DPYD: variants seen among roughly 807,000 people sequenced by gnomAD.
DPYD encodes dihydropyrimidine dehydrogenase [NADP(+)].
DPYD carries 109 observed loss-of-function variants against 116.2 expected under a neutral mutation model. That is an observed-to-expected ratio of 0.94 (90% confidence interval 0.80 to 1.10). DPYD has a LOEUF of 1.10. DPYD is among the 50% of genes least tolerant of loss of function. The pLI, the probability that DPYD is intolerant of heterozygous loss-of-function variation, is 0.00. For synonymous variants in DPYD, 440 were observed against 432.0 expected, an observed-to-expected ratio of 1.02 and a Z score of -0.23; for missense variants, 1,302 against 1,254.5, an observed-to-expected ratio of 1.04 and a Z score of -0.57.
rs117117504 is a variant in DPYD, at chr1:97,329,643, C to G, written c.2059-23346G>C. The stretch of plus-strand genomic sequence containing the variant: ...TGGTGTGTGCCTTTAATTCTAGGCA[C>G]TCGGGAAGCTGATGCAAGAGAATCT... On this transcript the variant is annotated intron_variant, in intron 16 of 22. Coordinates refer to ENST00000370192, the MANE Select transcript of DPYD (RefSeq NM_000110.4). Among the ~76,000 whole-genome samples the G allele has an allele frequency of 4.1e-4, 61 of 150,166 alleles. No homozygotes were observed. The East Asian group carries it at 7.9e-3, about 19-fold the overall frequency.
At chr1:97,832,045 T>TTGTGTGTGTGTGTGTGTG (rs35795641) in intron 2 of DPYD, among the ~76,000 whole-genome samples, 40 of 134,010 alleles carry the variant, frequency 3.0e-4, no homozygotes, top group East Asian at 1.9e-3. Context: ...ATATAATGTA[T>TTGTGTGTGTGTGTGTGTG]TGTGTGTGTG....
At chr1:97,232,911 T>A (rs777660077) in intron 19 of DPYD, among the ~76,000 whole-genome samples, 2 of 152,200 alleles carry the variant, frequency 1.3e-5, no homozygotes, top group Non-Finnish European at 2.9e-5. Flanking sequence ...ATCTATCAAT[T>A]CTTTTTTATG....
At chr1:97,818,067 G>GT (rs1309465715) in intron 3 of DPYD, among the ~76,000 whole-genome samples, 3 of 151,986 alleles carry the variant, frequency 2.0e-5, no homozygotes, top group Non-Finnish European at 2.9e-5. Context: ...GGAAAATGCA[G>GT]TTTTTTCCTG....
intron 7 of DPYD, among the ~76,000 whole-genome samples, chr1:97,690,400 GAT>G (rs1660952719): frequency 6.6e-6 from 1 of 151,742 alleles, no homozygotes; most frequent in Admixed American, 6.6e-5. Flanking sequence ...TTTTATATAA[GAT>G]AAATGGAGAA....
intron 18 of DPYD, among the ~76,000 whole-genome samples, chr1:97,292,146 A>C (rs1306820195): frequency 6.6e-6 from 1 of 152,142 alleles, no homozygotes; most frequent in Non-Finnish European, 1.5e-5. Flanking sequence ...TCTAATTCCA[A>C]GAATCTGTGT....
rs11800171 is a variant in DPYD at position 97,221,642 on chromosome 1, A to C, written c.2442+13210T>G. ...TACCAAAGTCTATAAAACATTGAAA[A>C]AATTTTAAAACAAATATCAAAGTGT... On this transcript the variant is annotated intron_variant, in intron 19 of 22. Coordinates refer to ENST00000370192, the MANE Select transcript of DPYD (RefSeq NM_000110.4). Among the ~76,000 whole-genome samples the C allele has an allele frequency of 9.2e-3, 1,406 of 152,246 alleles. 16 individuals are homozygous for C. The highest frequency in any genetic ancestry group is 0.037 in the Middle Eastern group (11 of 294).
At chr1:97,558,895 C>A (rs1311274803) in intron 11 of DPYD, among the ~76,000 whole-genome samples, 1 of 152,166 alleles carries the variant, frequency 6.6e-6, no homozygotes. Context: ...TGGAAGAGAT[C>A]TCCTCCAGGA....
chr1:97,612,513 TTAAG>T (rs1656008242), intron 8 of DPYD, among the ~76,000 whole-genome samples: 1 of 152,032 alleles, frequency 6.6e-6, no homozygotes, highest in Non-Finnish European at 1.5e-5. Flanking sequence ...GCAAAATAGC[TTAAG>T]TGTTTGCCAT....
At chr1:97,461,963 A>G (rs1677057681) in intron 13 of DPYD, among the ~76,000 whole-genome samples, 2 of 152,234 alleles carry the variant, frequency 1.3e-5, no homozygotes, top group South Asian at 4.1e-4. Context: ...AGTAAACTGA[A>G]GGACATTTGA....
At chr1:97,636,740 C>T (rs1657586542) in intron 8 of DPYD, among the ~76,000 whole-genome samples, 1 of 152,068 alleles carries the variant, frequency 6.6e-6, no homozygotes, top group African/African-American at 2.4e-5. Context: ...GAATGCTTCC[C>T]CAGTAATGTC....
intron 16 of DPYD, among the ~76,000 whole-genome samples, chr1:97,364,887 T>C (rs1245121897): frequency 1.3e-5 from 2 of 152,158 alleles, no homozygotes; most frequent in Admixed American, 1.3e-4. Flanking sequence ...GGCAAATCCA[T>C]ACGCCTCCTT....
intron 14 of DPYD, among the ~76,000 whole-genome samples, chr1:97,444,939 A>G (rs1237285823): frequency 2.6e-5 from 4 of 152,180 alleles, no homozygotes; most frequent in African/African-American, 9.6e-5. Context: ...GTGAGACAGA[A>G]TGGACTCTTT....
chr1:97,113,835 A>G (rs1339212317), intron 20 of DPYD, among the ~76,000 whole-genome samples: 1 of 152,150 alleles, frequency 6.6e-6, no homozygotes, highest in Non-Finnish European at 1.5e-5. Context: ...CACATTCAGC[A>G]TCTGGTAACT....
At chr1:97,881,432 T>C (rs965084213) in intron 2 of DPYD, among the ~76,000 whole-genome samples, 7 of 152,024 alleles carry the variant, frequency 4.6e-5, no homozygotes, top group Non-Finnish European at 7.4e-5. Flanking sequence ...TCTTGTAGCA[T>C]CCGTAGGTAT....
chr1:97,815,038 GGA>G lies in DPYD; in HGVS notation c.233+13074_233+13075del, dbSNP rs1056239411. The stretch of plus-strand genomic sequence containing the variant: ...GAAAAGGAAAGGAGGAAGGAAGGAA[GGA>G]GAGAGAGAGAAAGAGGGAGAAAGAA... On this transcript the variant is annotated intron_variant, in intron 3 of 22. Coordinates refer to ENST00000370192, the MANE Select transcript of DPYD (RefSeq NM_000110.4). 4.9e-5 allele frequency among the ~76,000 whole-genome samples: 7 copies of G among 144,186 alleles called. No homozygotes were observed. In the South Asian group the frequency reaches 1.5e-3, roughly 32 times the overall value. The allele number at this position is 144,186 out of a possible 152,430, so 94.6% of individuals were successfully genotyped here.
intron 2 of DPYD, among the ~76,000 whole-genome samples, chr1:97,880,580 C>T (rs973400140): frequency 6.6e-6 from 1 of 151,792 alleles, no homozygotes; most frequent in Non-Finnish European, 1.5e-5. Flanking sequence ...AACTAACAGA[C>T]ATCAGTGCAA....
Position 97,264,303 on chromosome 1 carries a change from T to C in DPYD, c.2300-29309A>G, listed in dbSNP as rs778094332. Among the ~76,000 whole-genome samples, 8 of 150,190 alleles carry C rather than the reference T, an allele frequency of 5.3e-5. No homozygotes were observed. The South Asian group carries it at 8.5e-4, about 16-fold the overall frequency. On this transcript the variant is annotated intron_variant, in intron 18 of 22. Coordinates refer to ENST00000370192, the MANE Select transcript of DPYD (RefSeq NM_000110.4). ...TCACCCTCTCAAATAGCTGGGATTA[T>C]AGGCACACGCCACCATGCCTGGCTA... is the stretch of plus-strand genomic sequence containing the variant.
rs1481385908 is a variant in DPYD at position 97,273,093 on chromosome 1, C to T, written c.2299+32166G>A. 2.6e-5 allele frequency among the ~76,000 whole-genome samples: 4 copies of T among 152,130 alleles called. No homozygotes were observed. The East Asian group carries it at 7.7e-4, about 29-fold the overall frequency. ...GAGGAGACAGAAATGTGGGATGTTTCCTTTCATTAAATGCCAAATAGTTAT... is the reference window on the plus strand; with the variant it reads ...GAGGAGACAGAAATGTGGGATGTTTTCTTTCATTAAATGCCAAATAGTTAT... On this transcript the variant is annotated intron_variant, in intron 18 of 22. Coordinates refer to ENST00000370192, the MANE Select transcript of DPYD (RefSeq NM_000110.4).
intron 10 of DPYD, among the ~76,000 whole-genome samples, chr1:97,588,652 C>G (rs773999618): frequency 1.3e-5 from 2 of 152,132 alleles, no homozygotes; most frequent in African/African-American, 2.4e-5. Context: ...GAATTATTAA[C>G]AGATTTTCCC....
Sources: gnomAD v4.1 joint callset for allele counts (sites outside exome capture counted in the v4.1 genomes callset) on GRCh38, gnomAD v4.1.1 for gene constraint, MANE v1.5 for transcripts, NCBI Gene and HGNC (gene_info 2026-07-23, HGNC 2026-07-21) for gene names.